The following SDK1 variants were observed in gnomAD, a reference collection of about 807,000 sequenced individuals.
SDK1 encodes the protein protein sidekick-1.
In SDK1, 157 loss-of-function variants were observed where a neutral mutation model predicts 245.5. The ratio of observed to expected loss-of-function variants is 0.64; its 90% CI spans 0.56 to 0.73. The LOEUF is 0.73. SDK1 is among the 30% of genes least tolerant of loss of function. The pLI is 0.00. For synonymous variants in SDK1, 1,647 were observed against 1,278.5 expected, an observed-to-expected ratio of 1.29 and a Z score of -6.15; for missense variants, 3,583 against 3,002.3, an observed-to-expected ratio of 1.19 and a Z score of -4.52.
At chr7:4,212,399 A>G (rs2128228727) in intron 38 of SDK1, among the ~76,000 whole-genome samples, 1 of 152,224 alleles carries the variant, frequency 6.6e-6, no homozygotes, top group South Asian at 2.1e-4. Flanking sequence ...CAAATCGGAG[A>G]TGTGAAAATC....
chr7:3,493,545 AAC>A lies in SDK1; in HGVS notation c.299-125533_299-125532del, dbSNP rs1446473961. ...TACTAGGAAGTGCCCACACTGATAA[AAC>A]AGTCAGTAGTAATCAAGAAATGTGA... On this transcript the variant is annotated intron_variant, in intron 1 of 44. Coordinates refer to ENST00000404826, the MANE Select transcript of SDK1 (RefSeq NM_152744.4). Among the ~76,000 whole-genome samples the A allele has an allele frequency of 1.3e-5, 2 of 152,232 alleles. 1 individual carries two copies. Among genetic ancestry groups the A allele is most frequent in the Non-Finnish European group, 2.9e-5 (2 of 68,046 alleles).
chr7:4,229,211 G>T (rs984776997), intron 40 of SDK1, among the ~76,000 whole-genome samples: 3 of 152,150 alleles, frequency 2.0e-5, no homozygotes, highest in Non-Finnish European at 4.4e-5. Flanking sequence ...TAGAGTGGAC[G>T]CCTTACCAGC....
intron 17 of SDK1, 127 bp from the exon 18 acceptor site, chr7:4,049,221 C>A (rs1789253808): frequency 3.1e-6 from 2 of 651,148 alleles, no homozygotes; most frequent in South Asian, 3.6e-5. Context: ...ATTCATCACA[C>A]TTCCTCGGTC....
chr7:3,346,832 T>A (rs1384349955), intron 1 of SDK1, among the ~76,000 whole-genome samples: 16 of 110,452 alleles, frequency 1.4e-4, no homozygotes, highest in African/African-American at 2.4e-4. Context: ...TATATATTTT[T>A]TTTTTTTTTT....
intron 1 of SDK1, among the ~76,000 whole-genome samples, chr7:3,493,041 C>T (rs1374115342): frequency 1.3e-5 from 2 of 152,170 alleles, no homozygotes; most frequent in African/African-American, 2.4e-5. Context: ...AGGTCTGCCT[C>T]CCGGGTTCAC....
At chr7:4,136,187 C>T (rs1779078379) in intron 28 of SDK1, among the ~76,000 whole-genome samples, 1 of 152,194 alleles carries the variant, frequency 6.6e-6, no homozygotes, top group Non-Finnish European at 1.5e-5. Flanking sequence ...ACTGCCGAGC[C>T]TCCTCTGTCA....
intron 5 of SDK1, among the ~76,000 whole-genome samples, chr7:3,883,704 C>T (rs988461358): frequency 1.4e-5 from 2 of 141,962 alleles, no homozygotes; most frequent in Non-Finnish European, 3.1e-5. Flanking sequence ...CTCCCTCCCT[C>T]CCTCCCTCCC....
chr7:3,556,383 G>C (rs925053716), intron 1 of SDK1, among the ~76,000 whole-genome samples: 1 of 152,166 alleles, frequency 6.6e-6, no homozygotes, highest in African/African-American at 2.4e-5. Context: ...ATAAAGGGTA[G>C]AATGGTTCCC....
intron 4 of SDK1, among the ~76,000 whole-genome samples, chr7:3,788,855 C>A (rs144584061): frequency 6.6e-6 from 1 of 152,146 alleles, no homozygotes; most frequent in Non-Finnish European, 1.5e-5. Context: ...AGACAGAATT[C>A]AGGGCTGAGC....
intron 2 of SDK1, among the ~76,000 whole-genome samples, chr7:3,626,455 T>G (rs1257357317): frequency 2.0e-5 from 3 of 152,246 alleles, no homozygotes; most frequent in African/African-American, 7.2e-5. Context: ...TAATTGGTAT[T>G]TATGTTCTCC....
intron 1 of SDK1, among the ~76,000 whole-genome samples, chr7:3,592,660 G>C (rs968103047): frequency 5.9e-5 from 9 of 152,090 alleles, no homozygotes; most frequent in Admixed American, 5.9e-4. Flanking sequence ...TCGTTTCCAT[G>C]CCTTTGTATA....
intron 5 of SDK1, among the ~76,000 whole-genome samples, chr7:3,889,213 A>C (rs1018532604): frequency 2.0e-5 from 3 of 152,208 alleles, no homozygotes; most frequent in African/African-American, 7.2e-5. Context: ...CACACTATTT[A>C]ATTGGATTCC....
At chr7:3,562,038 A>C (rs200134983) in intron 1 of SDK1, among the ~76,000 whole-genome samples, 5 of 152,218 alleles carry the variant, frequency 3.3e-5, no homozygotes, top group African/African-American at 7.2e-5. Context: ...CCGTTTTTCA[A>C]CAACCCACAG....
chr7:3,605,658 C>T lies in SDK1; in HGVS notation c.299-13422C>T. Among the ~76,000 whole-genome samples the T allele has an allele frequency of 1.3e-5, 2 of 151,970 alleles. 1 individual carries two copies. Among genetic ancestry groups the T allele is most frequent in the South Asian group, 4.2e-4 (2 of 4,818 alleles). ...TTTTCCAGAGTAATTTTCACTATGT[C>T]TGATTACATAATTAGATTTGGGATA... On this transcript the variant is annotated intron_variant, in intron 1 of 44. Coordinates refer to ENST00000404826, the MANE Select transcript of SDK1 (RefSeq NM_152744.4).
chr7:4,253,626 T>G (rs1035338052), intron 44 of SDK1, among the ~76,000 whole-genome samples: 1 of 152,186 alleles, frequency 6.6e-6, no homozygotes, highest in Admixed American at 6.5e-5. Flanking sequence ...GGGTGGAGTG[T>G]TCTGTATGTG....
chr7:3,432,581 A>G (rs1035509835), intron 1 of SDK1, among the ~76,000 whole-genome samples: 1 of 150,958 alleles, frequency 6.6e-6, no homozygotes, highest in Non-Finnish European at 1.5e-5. Flanking sequence ...ACCGAAGGGA[A>G]GAAACATATT....
At chr7:4,199,318 C>G (rs540803819) in intron 35 of SDK1, among the ~76,000 whole-genome samples, 312 of 152,226 alleles carry the variant, frequency 2.0e-3, no homozygotes, top group Middle Eastern at 6.8e-3. Context: ...CACACACAGT[C>G]CGCAAGCCGC....
At chr7:3,830,434 A>G (rs1158083367) in intron 5 of SDK1, among the ~76,000 whole-genome samples, 5 of 152,202 alleles carry the variant, frequency 3.3e-5, no homozygotes, top group East Asian at 1.9e-4. Context: ...ATATTTAAGC[A>G]TAAGAGTTCT....
intron 1 of SDK1, among the ~76,000 whole-genome samples, chr7:3,514,347 A>G (rs1264237542): frequency 1.3e-5 from 2 of 152,248 alleles, no homozygotes; most frequent in African/African-American, 4.8e-5. Context: ...GAAAAAATAT[A>G]TACTTAAAAC....
Sources: gnomAD v4.1 joint callset for allele counts (sites outside exome capture counted in the v4.1 genomes callset) on GRCh38, gnomAD v4.1.1 for gene constraint, MANE v1.5 for transcripts, NCBI Gene and HGNC (gene_info 2026-07-23, HGNC 2026-07-21) for gene names.